The following SLC25A33 variants were observed in gnomAD, a reference collection of about 807,000 sequenced individuals.
The protein encoded by SLC25A33 is bone marrow stromal cell mitochondrial carrier protein.
A neutral mutation model predicts 35.5 loss-of-function variants in SLC25A33; 15 were observed. That is an observed-to-expected ratio of 0.42 (90% confidence interval 0.28 to 0.65). The LOEUF (loss-of-function observed/expected upper bound fraction) is 0.65. Ranked by LOEUF, SLC25A33 falls within the 30% of genes least tolerant of loss-of-function variation. The probability of loss-of-function intolerance (pLI) is 0.20; values close to 1 mark genes in which losing one functional copy is unlikely to be tolerated. For synonymous variants in SLC25A33, 136 were observed against 148.7 expected (o/e 0.91, Z 0.62); for missense variants, 257 against 398.5 (o/e 0.64, Z 3.02).
Position 9,553,783 on chromosome 1 carries a change from C to G in SLC25A33, c.214C>G (p.Pro72Ala). The G allele has an allele frequency of 6.2e-7, 1 of 1,614,110 alleles. No homozygotes were observed. Among genetic ancestry groups the G allele is most frequent in the Non-Finnish European group, 8.5e-7 (1 of 1,179,996 alleles). Residue 72 changes from proline (P) to alanine (A), a missense_variant, in exon 2 of 7, where the codon CCT (proline) becomes GCT (alanine). Transcript: ENST00000302692. ...AGMVRPTSVT[P>A]GLFQVLKSIL... ...AATGGTGAGACCAACATCCGTGACACCTGGACTCTTTCAGGTTCTGAAGTA... is the reference window on the plus strand; with the variant it reads ...AATGGTGAGACCAACATCCGTGACAGCTGGACTCTTTCAGGTTCTGAAGTA...
At chr1:9,570,509 G>A in intron 4 of SLC25A33, 151 bp downstream of exon 4, 2 of 643,194 alleles carry the variant, frequency 3.1e-6, no homozygotes, top group Non-Finnish European at 5.3e-6. Flanking sequence ...ACCAATAGGA[G>A]AGTGAGAGCG....
At chr1:9,543,988 C>T (rs55804726) in intron 1 of SLC25A33, among the ~76,000 whole-genome samples, 2 of 151,948 alleles carry the variant, frequency 1.3e-5, no homozygotes, top group East Asian at 1.9e-4. Context: ...GCCTGTAATC[C>T]CAGCTACGTG....
chr1:9,541,366 G>T (rs1643078754), intron 1 of SLC25A33, among the ~76,000 whole-genome samples: 1 of 152,098 alleles, frequency 6.6e-6, no homozygotes, highest in Non-Finnish European at 1.5e-5. Context: ...AGCCAGGATG[G>T]TCTCGATCTC....
chr1:9,557,560 C>A (rs775203381), intron 2 of SLC25A33, among the ~76,000 whole-genome samples: 10 of 151,978 alleles, frequency 6.6e-5, no homozygotes, highest in Non-Finnish European at 1.3e-4. Flanking sequence ...ATTAGCCGGG[C>A]ATGTTGGCGT....
At chr1:9,559,775 A>G (rs1443004500) in intron 2 of SLC25A33, among the ~76,000 whole-genome samples, 1 of 152,120 alleles carries the variant, frequency 6.6e-6, no homozygotes, top group Non-Finnish European at 1.5e-5. Context: ...TCTCACCTGG[A>G]TTATTGTACA....
chr1:9,542,934 C>A (rs1455635051), intron 1 of SLC25A33, among the ~76,000 whole-genome samples: 1 of 151,784 alleles, frequency 6.6e-6, no homozygotes, highest in African/African-American at 2.4e-5. Context: ...TCGCGTGCCT[C>A]AGCCTCCCCG....
At chr1:9,552,408 T>C (rs1643279179) in intron 1 of SLC25A33, among the ~76,000 whole-genome samples, 1 of 152,040 alleles carries the variant, frequency 6.6e-6, no homozygotes, top group Non-Finnish European at 1.5e-5. Context: ...TATTTTTTTT[T>C]TTTAGTAGAG....
intron 1 of SLC25A33, among the ~76,000 whole-genome samples, chr1:9,553,419 G>A (rs1643296741): frequency 6.6e-6 from 1 of 151,562 alleles, no homozygotes; most frequent in African/African-American, 2.4e-5. Flanking sequence ...ATTTTTAGTA[G>A]AGACAGGGTT....
intron 5 of SLC25A33, 31 bp from the exon 6 acceptor site, chr1:9,579,923 T>C (rs778154273): frequency 6.3e-7 from 1 of 1,595,760 alleles, no homozygotes; most frequent in South Asian, 1.1e-5. Flanking sequence ...ATATGTCTCC[T>C]TAACAGCCTG....
At chr1:9,552,736 C>G (rs1643283301) in intron 1 of SLC25A33, among the ~76,000 whole-genome samples, 1 of 151,888 alleles carries the variant, frequency 6.6e-6, no homozygotes, top group South Asian at 2.1e-4. Context: ...ATCGATAAGG[C>G]AGAGATAGTA....
intron 1 of SLC25A33, among the ~76,000 whole-genome samples, chr1:9,550,038 T>TTTTTTTG (rs1553145253): frequency 2.4e-5 from 3 of 126,412 alleles, no homozygotes; most frequent in Non-Finnish European, 4.8e-5. Flanking sequence ...TTTTTTTTTT[T>TTTTTTTG]GAGACGGGGT....
At chr1:9,564,733 A>T (rs1333667475) in intron 2 of SLC25A33, among the ~76,000 whole-genome samples, 106 of 69,162 alleles carry the variant, frequency 1.5e-3, no homozygotes, top group African/African-American at 5.8e-3. Context: ...TTTAAAAAAA[A>T]AAAAAAATAT....
At chr1:9,550,011 ATT>A (rs70979761) in intron 1 of SLC25A33, among the ~76,000 whole-genome samples, 53 of 48,840 alleles carry the variant, frequency 1.1e-3, no homozygotes, top group African/African-American at 3.4e-3. Context: ...ATATATATAT[ATT>A]TTTTTTTTTT....
At chr1:9,561,177 T>C (rs930688886) in intron 2 of SLC25A33, among the ~76,000 whole-genome samples, 2 of 152,122 alleles carry the variant, frequency 1.3e-5, no homozygotes, top group African/African-American at 4.8e-5. Context: ...TCTCCTGGCC[T>C]TGTGATCCGC....
chr1:9,548,389 C>T (rs1265046661), intron 1 of SLC25A33, among the ~76,000 whole-genome samples: 1 of 152,154 alleles, frequency 6.6e-6, no homozygotes. Context: ...CAAGACCAGC[C>T]TGGCCAACAT....
chr1:9,576,086 G>A (rs1643657959), intron 5 of SLC25A33, among the ~76,000 whole-genome samples: 1 of 152,300 alleles, frequency 6.6e-6, no homozygotes, highest in East Asian at 1.9e-4. Context: ...GCCTGTATAT[G>A]TATTCTTGTC....
Position 9,584,114 on chromosome 1 carries a change from C to G in SLC25A33, c.*1613C>G, listed in dbSNP as rs952062528. The G allele has an allele frequency of 2.0e-5, 3 of 152,056 alleles. No homozygotes were observed. The highest frequency in any genetic ancestry group is 4.4e-5 in the Non-Finnish European group (3 of 68,012). The allele number at this position is 152,056 out of a possible 1,614,324, so 9.4% of individuals were successfully genotyped here. A position where few individuals can be genotyped will look rare whatever the true frequency, so the allele number is the denominator to read the frequency against. Reference sequence around the variant, plus strand: ...ACCCCTAGTCTTCCATTAGCTCTTTCACTGGAATTTGAGTATATTGTACAT... The same window carrying G: ...ACCCCTAGTCTTCCATTAGCTCTTTGACTGGAATTTGAGTATATTGTACAT... On this transcript the variant is annotated 3_prime_UTR_variant, in exon 7 of 7. Transcript: ENST00000302692.
chr1:9,565,770 C>CG (rs1024348006), intron 2 of SLC25A33, among the ~76,000 whole-genome samples: 7 of 139,706 alleles, frequency 5.0e-5, no homozygotes, highest in Admixed American at 4.4e-4. Context: ...CCCAGCTGCT[C>CG]GGGGGGCTGA....
chr1:9,583,309 C>G lies in SLC25A33; in HGVS notation c.*808C>G, dbSNP rs971391178. 2 of 152,136 alleles carry G rather than the reference C, an allele frequency of 1.3e-5. No individual in the cohort carries two copies. Among genetic ancestry groups the G allele is most frequent in the Admixed American group, 1.3e-4 (2 of 15,280 alleles). The allele number at this position is 152,136 out of a possible 1,614,324, so 9.4% of individuals were successfully genotyped here. A position where few individuals can be genotyped will look rare whatever the true frequency, so the allele number is the denominator to read the frequency against. On this transcript the variant is annotated 3_prime_UTR_variant, in exon 7 of 7. Coordinates refer to ENST00000302692, the MANE Select transcript of SLC25A33 (RefSeq NM_032315.3). Reference sequence around the variant, plus strand: ...TTTCTTCTTTGTACATTTCCAATTACTTGCAGATTGATCATCTAAGCGTTC... The same window carrying G: ...TTTCTTCTTTGTACATTTCCAATTAGTTGCAGATTGATCATCTAAGCGTTC...
Sources: allele counts gnomAD v4.1 joint callset (sites outside exome capture counted in the v4.1 genomes callset), GRCh38; gene constraint gnomAD v4.1.1; transcripts MANE v1.5; gene names NCBI Gene and HGNC (gene_info 2026-07-23, HGNC 2026-07-21).